Variants in SLC4A7 observed in about 807,000 individuals in gnomAD.
SLC4A7 encodes solute carrier family 4 member 7.
A neutral mutation model predicts 137.6 loss-of-function variants in SLC4A7; 51 were observed. The observed-to-expected ratio is 0.37, with a 90% CI of 0.30 to 0.47. The LOEUF (loss-of-function observed/expected upper bound fraction) is 0.47. Among genes scored for constraint, SLC4A7 ranks in the 20% least tolerant of loss-of-function variants. SLC4A7 has a pLI of 1.00. For missense variants in SLC4A7, 1,247 were observed against 1,525.4 expected (o/e 0.82, Z 3.04); for synonymous variants, 542 against 518.6 (o/e 1.05, Z -0.61).
At chr3:27,466,888 T>C (rs904277930) in intron 1 of SLC4A7, among the ~76,000 whole-genome samples, 1 of 152,180 alleles carries the variant, frequency 6.6e-6, no homozygotes, top group Admixed American at 6.5e-5. Context: ...ATTTTCTTTA[T>C]ATTTTCCTAT....
intron 11 of SLC4A7, among the ~76,000 whole-genome samples, chr3:27,412,175 A>G (rs572159933): frequency 5.3e-5 from 8 of 152,200 alleles, no homozygotes; most frequent in Non-Finnish European, 1.2e-4. Context: ...TTCTTCTACT[A>G]AAGTATTTCC....
At chr3:27,446,885 G>GTTTTTTTTTTTT (rs796773901) in intron 3 of SLC4A7, among the ~76,000 whole-genome samples, 6 of 35,756 alleles carry the variant, frequency 1.7e-4, no homozygotes, top group Non-Finnish European at 3.6e-4. Flanking sequence ...GTTTTTTTTT[G>GTTTTTTTTTTTT]TTTTTTTTGT....
At chr3:27,446,885 G>T (rs9840162) in intron 3 of SLC4A7, among the ~76,000 whole-genome samples, 841 of 35,362 alleles carry the variant, frequency 0.024, 28 homozygotes, top group South Asian at 0.044. Context: ...GTTTTTTTTT[G>T]TTTTTTTTGT....
chr3:27,413,303 A>G (rs1441855697), intron 11 of SLC4A7, among the ~76,000 whole-genome samples: 5 of 152,198 alleles, frequency 3.3e-5, no homozygotes, highest in African/African-American at 1.2e-4. Flanking sequence ...CTACATGACA[A>G]AAGATTCAAG....
chr3:27,394,775 A>G lies in SLC4A7; in HGVS notation c.2866-6T>C, dbSNP rs2051962605. ...AGGTGATAGCCAGCTCCTTTCTGAA[A>G]AGTGAAATGAACATAAATATCTGTA... is the stretch of plus-strand genomic sequence containing the variant. On this transcript the variant is annotated splice_polypyrimidine_tract_variant and splice_region_variant and intron_variant, in intron 19 of 25. Transcript: ENST00000454389. 1.2e-6 allele frequency: 2 copies of G among 1,612,202 alleles called. No homozygotes were observed. Among genetic ancestry groups the G allele is most frequent in the South Asian group, 1.1e-5 (1 of 90,792 alleles).
At chr3:27,398,677 G>A (rs1175699944) in intron 16 of SLC4A7, among the ~76,000 whole-genome samples, 1 of 152,020 alleles carries the variant, frequency 6.6e-6, no homozygotes, top group East Asian at 1.9e-4. Flanking sequence ...AGTATTATTT[G>A]TGAAATGTTT....
intron 1 of SLC4A7, among the ~76,000 whole-genome samples, chr3:27,477,788 G>C (rs1210703183): frequency 6.6e-6 from 1 of 152,024 alleles, no homozygotes; most frequent in Non-Finnish European, 1.5e-5. Context: ...GTAATTTTTT[G>C]TATTTTAGTA....
chr3:27,475,854 T>A (rs1221555417), intron 1 of SLC4A7, among the ~76,000 whole-genome samples: 1 of 152,202 alleles, frequency 6.6e-6, no homozygotes, highest in African/African-American at 2.4e-5. Context: ...ATTGGCTAAT[T>A]ACAGCACCTG....
At chr3:27,465,834 G>A (rs1357411677) in intron 1 of SLC4A7, among the ~76,000 whole-genome samples, 1 of 151,422 alleles carries the variant, frequency 6.6e-6, no homozygotes, top group African/African-American at 2.4e-5. Context: ...GGCACCTGTA[G>A]TCCCAGCTAC....
At chr3:27,417,846 C>T (rs1472867507) in intron 11 of SLC4A7, among the ~76,000 whole-genome samples, 1 of 152,168 alleles carries the variant, frequency 6.6e-6, no homozygotes, top group African/African-American at 2.4e-5. Flanking sequence ...TCTGGCAACA[C>T]ACACTGTCGG....
At chr3:27,444,430 C>T (rs930070105) in intron 3 of SLC4A7, among the ~76,000 whole-genome samples, 5 of 152,072 alleles carry the variant, frequency 3.3e-5, no homozygotes, top group African/African-American at 4.8e-5. Context: ...TCTGGGATTC[C>T]GCTCATACAT....
At chr3:27,446,267 A>G (rs1440726729) in intron 3 of SLC4A7, among the ~76,000 whole-genome samples, 1 of 152,014 alleles carries the variant, frequency 6.6e-6, no homozygotes. Flanking sequence ...AAATGGTGAG[A>G]AAATTTAATC....
At chr3:27,418,798 T>C (rs1030941380) in intron 10 of SLC4A7, among the ~76,000 whole-genome samples, 166 bp from the exon 11 acceptor site, 1 of 152,086 alleles carries the variant, frequency 6.6e-6, no homozygotes, top group Non-Finnish European at 1.5e-5. Flanking sequence ...TAAAAGGTAA[T>C]CCACTCAGTA....
At chr3:27,401,995 T>C (rs2052792027) in intron 15 of SLC4A7, among the ~76,000 whole-genome samples, 1 of 152,218 alleles carries the variant, frequency 6.6e-6, no homozygotes. Flanking sequence ...ATACCCTCTT[T>C]ATTCTGTCCG....
intron 9 of SLC4A7, among the ~76,000 whole-genome samples, chr3:27,421,237 C>A (rs763454907): frequency 6.6e-6 from 1 of 151,984 alleles, no homozygotes; most frequent in African/African-American, 2.4e-5. Flanking sequence ...CAGTGGCTCA[C>A]GTCTGTAATC....
At chr3:27,396,372 T>TA (rs1034802404) in intron 18 of SLC4A7, among the ~76,000 whole-genome samples, 8 of 152,096 alleles carry the variant, frequency 5.3e-5, no homozygotes, top group Non-Finnish European at 2.9e-5. Flanking sequence ...AGTAAATAAA[T>TA]AACAAGGACA....
chr3:27,465,439 T>C (rs2058933379), intron 1 of SLC4A7, among the ~76,000 whole-genome samples: 1 of 150,178 alleles, frequency 6.7e-6, no homozygotes, highest in South Asian at 2.1e-4. Context: ...TCCTAACCAT[T>C]TTCCCATGTT....
At chr3:27,479,875 G>A (rs147538286) in intron 1 of SLC4A7, among the ~76,000 whole-genome samples, 53 of 152,250 alleles carry the variant, frequency 3.5e-4, no homozygotes, top group African/African-American at 1.2e-3. Context: ...ATCTGTAAGC[G>A]CCTAAATGGC....
intron 24 of SLC4A7, among the ~76,000 whole-genome samples, chr3:27,380,163 C>T (rs113975192): frequency 1.3e-5 from 2 of 151,930 alleles, no homozygotes; most frequent in African/African-American, 4.8e-5. Context: ...AAAAATTAGC[C>T]GGGTACGGTG....
Sources: gnomAD v4.1 joint callset for allele counts (sites outside exome capture counted in the v4.1 genomes callset) on GRCh38, gnomAD v4.1.1 for gene constraint, MANE v1.5 for transcripts, NCBI Gene and HGNC (gene_info 2026-07-23, HGNC 2026-07-21) for gene names.